Variants in MAGEC2 observed in about 807,000 individuals in gnomAD.
The protein encoded by MAGEC2 is melanoma-associated antigen C2.
For synonymous variants in MAGEC2, 127 were observed against 115.1 expected, an observed-to-expected ratio of 1.10 and a Z score of -0.66; for missense variants, 332 against 282.3, an observed-to-expected ratio of 1.18 and a Z score of -1.26.
At position 142,203,379 on chromosome X, in the gene MAGEC2, G is replaced by T. The variant is rs1931181080; in HGVS notation, c.609C>A (p.Asp203Glu). The change falls in exon 3 of 3, where the codon GAC becomes GAA. Residue 203 changes from aspartate (D) to glutamate (E), a missense_variant. By Grantham distance (45) the Asp-to-Glu change is conservative. Transcript: ENST00000247452. ...FGLALIEVGP[D>E]HFCVFANTVG... ...CTGTGTTTGCAAACACACAGAAGTG[G>T]TCAGGGCCCACTTCTATCAGGGCAA... is the stretch of plus-strand genomic sequence containing the variant. 8.3e-7 allele frequency: 1 copy of T among 1,211,446 alleles called. No homozygotes were observed. Among genetic ancestry groups the T allele is most frequent in the Non-Finnish European group, 1.1e-6 (1 of 895,463 alleles).
rs1363235090 is a variant in MAGEC2, at chrX:142,202,838, A to G, written c.*28T>C. ...CTAGAACCTAAACTGCCCTGTTCAA[A>G]CACAAGGGGAAGAAACTATCCTAGA... On this transcript the variant is annotated 3_prime_UTR_variant, in exon 3 of 3. Coordinates refer to ENST00000247452, the MANE Select transcript of MAGEC2 (RefSeq NM_016249.4). 1 of 1,186,437 alleles carries G rather than the reference A, an allele frequency of 8.4e-7. No homozygotes were observed. The highest frequency in any genetic ancestry group is 2.3e-5 in the Admixed American group (1 of 43,517).
intron 2 of MAGEC2, 27 bp from the exon 3 acceptor site, chrX:142,204,080 G>A: frequency 2.3e-5 from 27 of 1,181,183 alleles, no homozygotes; most frequent in Non-Finnish European, 3.0e-5. Context: ...CAGTGTGAGT[G>A]GCCTCAGCTG....
Position 142,204,426 on chromosome X carries a change from C to A in MAGEC2, c.-131G>T. ...GACTTTAGGCTGTGTGCCTCACACC[C>A]AGTTCGTCACCACCTGGTTCCTGGA... On this transcript the variant is annotated 5_prime_UTR_variant, in exon 2 of 3. Coordinates refer to ENST00000247452, the MANE Select transcript of MAGEC2 (RefSeq NM_016249.4). The A allele has an allele frequency of 4.6e-6, 1 of 216,995 alleles. No homozygotes were observed. Among genetic ancestry groups the A allele is most frequent in the Non-Finnish European group, 8.3e-6 (1 of 120,519 alleles). The allele number at this position is 216,995 out of a possible 1,213,427, so 17.9% of individuals were successfully genotyped here.
At position 142,203,359 on chromosome X, in the gene MAGEC2, T is replaced by G; in HGVS notation, c.629A>C (p.Asn210Thr). ...VGPDHFCVFA[N>T]TVGLTDEGSD... Reference sequence around the variant, plus strand: ...ACCCTCATCGGTGAGGCCTACTGTGTTTGCAAACACACAGAAGTGGTCAGG... The same window carrying G: ...ACCCTCATCGGTGAGGCCTACTGTGGTTGCAAACACACAGAAGTGGTCAGG... Residue 210 changes from asparagine (N) to threonine (T), a missense_variant, in exon 3 of 3, where the codon AAC becomes ACC. Transcript: ENST00000247452. 1 of 1,211,277 alleles carries G rather than the reference T, an allele frequency of 8.3e-7. No homozygotes were observed. The highest frequency in any genetic ancestry group is 1.1e-6 in the Non-Finnish European group (1 of 895,333).
Position 142,204,455 on chromosome X carries a change from C to T in MAGEC2, c.-160G>A. On this transcript the variant is annotated splice_region_variant and 5_prime_UTR_variant, in exon 2 of 3. The change creates a new upstream start codon in the 5' untranslated region. Transcript: ENST00000247452. ...TCGTCACCACCTGGTTCCTGGAGCA[C>T]CTGCAAGAGGAAGTGAGGGAGCCCC... The T allele has an allele frequency of 5.4e-6, 1 of 186,291 alleles. No individual in the cohort carries two copies. Among genetic ancestry groups the T allele is most frequent in the Admixed American group, 7.2e-5 (1 of 13,883 alleles). 15.4% of individuals were successfully genotyped at this position (186,291 alleles called of 1,213,427 possible).
Position 142,204,369 on chromosome X carries a change from CCTGGCACTGCCTGGGCCT to C in MAGEC2, c.-92_-75del. 3.2e-6 allele frequency: 1 copy of C among 313,515 alleles called. No homozygotes were observed. The highest frequency in any genetic ancestry group is 5.6e-6 in the Non-Finnish European group (1 of 179,846). 25.8% of individuals were successfully genotyped at this position (313,515 alleles called of 1,213,427 possible). On this transcript the variant is annotated 5_prime_UTR_variant, in exon 2 of 3. Coordinates refer to ENST00000247452, the MANE Select transcript of MAGEC2 (RefSeq NM_016249.4). Reference sequence around the variant, plus strand: ...GCCAGGGTGTGCACTCACCTTGACTCCTGGCACTGCCTGGGCCTCCTCTGCTGTGCTGACTTTAGGCTG... The same window carrying C: ...GCCAGGGTGTGCACTCACCTTGACTCCCTCTGCTGTGCTGACTTTAGGCTG...
At position 142,203,712 on chromosome X, in the gene MAGEC2, T is replaced by C; in HGVS notation, c.276A>G (p.Pro92=). 8.3e-7 allele frequency: 1 copy of C among 1,209,137 alleles called. No homozygotes were observed. The highest frequency in any genetic ancestry group is 1.1e-6 in the Non-Finnish European group (1 of 894,458). Residue 92 remains proline (P), a synonymous_variant, in exon 3 of 3, where the codon CCA becomes CCG. Transcript: ENST00000247452. ...TCAGAGGACTCTGGGAAGGACCCTG[T>C]GGAGGACCCTGTGGAGGACTACTGG... The part of the protein sequence containing the change: ...SIPSSPPQGP[P]QGPSQSPLSS...
chrX:142,204,181 T>A (rs1556504194), intron 2 of MAGEC2, 128 bp from the exon 3 acceptor site: 3 of 916,439 alleles, frequency 3.3e-6, no homozygotes, highest in African/African-American at 3.9e-5. Context: ...GTCTCCTGTC[T>A]TCCTAGGGAG....
chrX:142,203,677 C>A lies in MAGEC2; in HGVS notation c.311G>T (p.Cys104Phe). 8.3e-7 allele frequency: 1 copy of A among 1,210,336 alleles called. No individual in the cohort carries two copies. The highest frequency in any genetic ancestry group is 1.8e-5 in the South Asian group (1 of 56,786). Residue 104 changes from cysteine to phenylalanine, a missense_variant, in exon 3 of 3, where the codon TGC becomes TTC. Coordinates refer to ENST00000247452, the MANE Select transcript of MAGEC2 (RefSeq NM_016249.4). ...GAATGAGCTCCATGAAAAAGAGGAGCAGCAGGAGCTCAGAGGACTCTGGGA... is the reference window on the plus strand; with the variant it reads ...GAATGAGCTCCATGAAAAAGAGGAGAAGCAGGAGCTCAGAGGACTCTGGGA... The part of the protein sequence containing the change: ...GPSQSPLSSC[C>F]SSFSWSSFSE...
rs770074156 is a variant in MAGEC2, at chrX:142,203,173, T to A, written c.815A>T (p.Glu272Val). 1.7e-6 allele frequency: 2 copies of A among 1,208,675 alleles called. No homozygotes were observed. The highest frequency in any genetic ancestry group is 3.5e-5 in the African/African-American group (2 of 56,908). ...REHFVYGEPR[E>V]LLTKVWVQGH... ...CTGCACCCAAACTTTAGTGAGGAGC[T>A]CCCTAGGCTCCCCATAGACGAAGTG... The change falls in exon 3 of 3, where the codon GAG (glutamate) becomes GTG (valine). Residue 272 changes from glutamate to valine, a missense_variant. By Grantham distance (121) the Glu-to-Val change is moderately radical. Coordinates refer to ENST00000247452, the MANE Select transcript of MAGEC2 (RefSeq NM_016249.4).
intron 2 of MAGEC2, 148 bp downstream of exon 2, chrX:142,204,214 G>A (rs1015657842): frequency 1.4e-5 from 9 of 647,483 alleles, no homozygotes; most frequent in Admixed American, 2.7e-5. Flanking sequence ...GAACCTGTAG[G>A]AGGATGTGGG....
At position 142,203,143 on chromosome X, in the gene MAGEC2, T is replaced by C. The variant is rs777799371; in HGVS notation, c.845A>G (p.His282Arg). ...GGGCACCTCCCGATACTCCAGGTAA[T>C]GTCCCTGCACCCAAACTTTAGTGAG... ...ELLTKVWVQG[H>R]YLEYREVPHS... Residue 282 changes from histidine to arginine, a missense_variant, in exon 3 of 3, where the codon CAT becomes CGT. Coordinates refer to ENST00000247452, the MANE Select transcript of MAGEC2 (RefSeq NM_016249.4). 5 of 1,211,656 alleles carry C rather than the reference T, an allele frequency of 4.1e-6. No homozygotes were observed. Among genetic ancestry groups the C allele is most frequent in the Non-Finnish European group, 5.6e-6 (5 of 895,458 alleles).
At chrX:142,204,189 G>A in intron 2 of MAGEC2, 136 bp from the exon 3 acceptor site, 1 of 865,820 alleles carries the variant, frequency 1.2e-6, no homozygotes. Flanking sequence ...TCTTCCTAGG[G>A]AGTTTGTCTG....
chrX:142,203,855 T>C lies in MAGEC2; in HGVS notation c.133A>G (p.Thr45Ala). ...EEEEASSASSTLYLVFSPSSF... is the reference protein window; with the variant it reads ...EEEEASSASSALYLVFSPSSF... The stretch of plus-strand genomic sequence containing the variant: ...GAGGGGGAAAATACTAAGTACAAAG[T>C]GGAAGAGGCGGAGGAGGCTTCCTCC... The change falls in exon 3 of 3, where the codon ACT becomes GCT. Residue 45 changes from threonine to alanine, a missense_variant. Transcript: ENST00000247452. The C allele has an allele frequency of 8.3e-7, 1 of 1,200,316 alleles. No individual in the cohort carries two copies.
At chrX:142,204,744 G>A (rs1931210375) in intron 1 of MAGEC2, among the ~76,000 whole-genome samples, 1 of 111,511 alleles carries the variant, frequency 9.0e-6, no homozygotes, top group African/African-American at 3.3e-5. Context: ...GGCAGTCGGG[G>A]TAGCCTCACG....
rs1321828572 is a variant in MAGEC2 at position 142,203,930 on chromosome X, C to T, written c.58G>A (p.Val20Ile). The T allele has an allele frequency of 8.5e-7, 1 of 1,178,365 alleles. No homozygotes were observed. Among genetic ancestry groups the T allele is most frequent in the Non-Finnish European group, 1.1e-6 (1 of 880,011 alleles). Residue 20 changes from valine to isoleucine, a missense_variant, in exon 3 of 3, where the codon GTT (valine) becomes ATT (isoleucine). Coordinates refer to ENST00000247452, the MANE Select transcript of MAGEC2 (RefSeq NM_016249.4). ...GCATCTACCCAGTCTTCTAACTCAACTGAGGTCGGGGAGTCGTTGTCAACG... is the reference window on the plus strand; with the variant it reads ...GCATCTACCCAGTCTTCTAACTCAATTGAGGTCGGGGAGTCGTTGTCAACG... The part of the protein sequence containing the change: ...RNVDNDSPTS[V>I]ELEDWVDAQH...
chrX:142,202,922 C>G lies in MAGEC2; in HGVS notation c.1066G>C (p.Val356Leu). 1.7e-6 allele frequency: 2 copies of G among 1,211,538 alleles called. No homozygotes were observed. The highest frequency in any genetic ancestry group is 2.2e-6 in the Non-Finnish European group (2 of 895,272). ...ATIDTADDAT[V>L]MASESLSVMS... ...ACACTGAGGCTTTCACTGGCCATGA[C>G]AGTGGCATCATCTGCGGTATCAATT... is the stretch of plus-strand genomic sequence containing the variant. The change falls in exon 3 of 3, where the codon GTC (valine) becomes CTC (leucine). Residue 356 changes from valine to leucine, a missense_variant. Physicochemically the swap from Val to Leu is conservative, Grantham distance 32 (BLOSUM62 1). Transcript: ENST00000247452.
chrX:142,203,474 T>C lies in MAGEC2; in HGVS notation c.514A>G (p.Ile172Val). The change falls in exon 3 of 3, where the codon ATC becomes GTC. Residue 172 changes from isoleucine (I) to valine (V), a missense_variant. Coordinates refer to ENST00000247452, the MANE Select transcript of MAGEC2 (RefSeq NM_016249.4). The part of the protein sequence containing the change: ...VTEAEMLMIV[I>V]KYKDYFPVIL... ...ACAGGAAAGTAATCTTTGTACTTGATGACAATCATCAGCATCTCTGCCTCT... is the reference window on the plus strand; with the variant it reads ...ACAGGAAAGTAATCTTTGTACTTGACGACAATCATCAGCATCTCTGCCTCT... 1 of 1,211,699 alleles carries C rather than the reference T, an allele frequency of 8.3e-7. No homozygotes were observed. Among genetic ancestry groups the C allele is most frequent in the Non-Finnish European group, 1.1e-6 (1 of 895,508 alleles).
At position 142,203,133 on chromosome X, in the gene MAGEC2, C is replaced by A. The variant is rs1179252604; in HGVS notation, c.855G>T (p.Glu285Asp). Residue 285 changes from glutamate to aspartate, a missense_variant, in exon 3 of 3, where the codon GAG (glutamate) becomes GAT (aspartate). By Grantham distance (45) the Glu-to-Asp change is conservative (BLOSUM62 2). Transcript: ENST00000247452. ...TKVWVQGHYL[E>D]YREVPHSSPP... ...GAGAACTGTGGGGCACCTCCCGATACTCCAGGTAATGTCCCTGCACCCAAA... is the reference window on the plus strand; with the variant it reads ...GAGAACTGTGGGGCACCTCCCGATAATCCAGGTAATGTCCCTGCACCCAAA... 8.3e-7 allele frequency: 1 copy of A among 1,211,702 alleles called. No homozygotes were observed. Among genetic ancestry groups the A allele is most frequent in the Admixed American group, 2.2e-5 (1 of 46,052 alleles).
Sources: gnomAD v4.1 joint callset for allele counts (sites outside exome capture counted in the v4.1 genomes callset) on GRCh38, gnomAD v4.1.1 for gene constraint, MANE v1.5 for transcripts, NCBI Gene and HGNC (gene_info 2026-07-23, HGNC 2026-07-21) for gene names.